EBF2: variants seen among roughly 807,000 people sequenced by gnomAD.
The protein encoded by EBF2 is transcription factor COE2.
Under a neutral mutation model 72.8 loss-of-function variants are expected in EBF2, and 21 were observed. The ratio of observed to expected loss-of-function variants is 0.29; its 90% CI spans 0.20 to 0.42. The LOEUF is 0.42. EBF2 is among the 10% of genes least tolerant of loss of function. The pLI, the probability that EBF2 is intolerant of heterozygous loss-of-function variation, is 1.00. For missense variants in EBF2, 637 were observed against 731.2 expected, an observed-to-expected ratio of 0.87 and a Z score of 1.49; for synonymous variants, 299 against 274.2, an observed-to-expected ratio of 1.09 and a Z score of -0.89.
chr8:25,889,954 G>C (rs1056303404), intron 7 of EBF2, 85 bp from the exon 8 acceptor site: 29 of 1,154,676 alleles, frequency 2.5e-5, no homozygotes, highest in Non-Finnish European at 3.8e-5. Flanking sequence ...ATTCTGTTTT[G>C]CCACACTTCC....
At chr8:25,981,794 A>G (rs1020658063) in intron 6 of EBF2, among the ~76,000 whole-genome samples, 7 of 19,660 alleles carry the variant, frequency 3.6e-4, no homozygotes, top group African/African-American at 1.7e-3. Flanking sequence ...ACTCCATCTT[A>G]AAAAAAAAAA....
chr8:25,976,602 C>G (rs1585213553), intron 6 of EBF2, among the ~76,000 whole-genome samples: 3 of 151,920 alleles, frequency 2.0e-5, no homozygotes, highest in Admixed American at 1.3e-4. Context: ...AATGCTCATG[C>G]CTTTTGTATT....
intron 6 of EBF2, among the ~76,000 whole-genome samples, chr8:26,004,179 T>C (rs1209180223): frequency 6.6e-6 from 1 of 152,150 alleles, no homozygotes; most frequent in Admixed American, 6.5e-5. Flanking sequence ...GTTGTCACCA[T>C]TGGTTCCAAT....
intron 6 of EBF2, among the ~76,000 whole-genome samples, chr8:26,013,735 A>G (rs1423034358): frequency 6.6e-6 from 1 of 152,170 alleles, no homozygotes; most frequent in African/African-American, 2.4e-5. Context: ...AGATGACTCC[A>G]TGCTATCTTG....
intron 6 of EBF2, among the ~76,000 whole-genome samples, chr8:26,020,081 C>A (rs1204033639): frequency 6.6e-6 from 1 of 152,156 alleles, no homozygotes; most frequent in Non-Finnish European, 1.5e-5. Context: ...GTGCCCCAAC[C>A]CAAACCACCC....
At chr8:26,015,851 C>T (rs1394631280) in intron 6 of EBF2, among the ~76,000 whole-genome samples, 1 of 152,172 alleles carries the variant, frequency 6.6e-6, no homozygotes, top group Non-Finnish European at 1.5e-5. Flanking sequence ...AGGGCAGCAG[C>T]TTTAAGCAGA....
intron 10 of EBF2, among the ~76,000 whole-genome samples, chr8:25,868,585 A>G (rs1802374966): frequency 6.6e-6 from 1 of 152,146 alleles, no homozygotes; most frequent in African/African-American, 2.4e-5. Context: ...GGCTCAAGCA[A>G]TCCTCCTGCC....
At chr8:25,916,893 C>T (rs564453713) in intron 6 of EBF2, among the ~76,000 whole-genome samples, 1 of 152,260 alleles carries the variant, frequency 6.6e-6, no homozygotes, top group Non-Finnish European at 1.5e-5. Context: ...CTTCATCACT[C>T]AACACACTGC....
intron 6 of EBF2, among the ~76,000 whole-genome samples, chr8:25,932,512 A>G (rs1367608242): frequency 6.6e-6 from 1 of 152,156 alleles, no homozygotes; most frequent in East Asian, 1.9e-4. Context: ...AATAATTTTG[A>G]TATTTTGACA....
chr8:25,967,589 G>A (rs1370839873), intron 6 of EBF2, among the ~76,000 whole-genome samples: 1 of 152,188 alleles, frequency 6.6e-6, no homozygotes, highest in East Asian at 1.9e-4. Flanking sequence ...AAAGTTGTAT[G>A]GGAACTTGTA....
At chr8:25,892,777 T>C (rs1358795480) in intron 7 of EBF2, among the ~76,000 whole-genome samples, 1 of 152,198 alleles carries the variant, frequency 6.6e-6, no homozygotes, top group Non-Finnish European at 1.5e-5. Context: ...GTTTCTAATA[T>C]GTGACAGGGC....
intron 7 of EBF2, among the ~76,000 whole-genome samples, chr8:25,900,571 C>G (rs985429476): frequency 6.6e-6 from 1 of 152,080 alleles, no homozygotes; most frequent in African/African-American, 2.4e-5. Flanking sequence ...CCTAGCATGA[C>G]TCTGTAAATT....
chr8:26,028,502 G>A (rs551467239), intron 6 of EBF2, among the ~76,000 whole-genome samples: 3 of 152,130 alleles, frequency 2.0e-5, no homozygotes, highest in Non-Finnish European at 4.4e-5. Flanking sequence ...TTTTTATGGG[G>A]CTGACAAGGA....
chr8:25,859,734 T>TTTTTTTTTTTTTTTTG lies in EBF2; in HGVS notation c.1343-1231_1343-1230insCAAAAAAAAAAAAAAA, dbSNP rs1183390975. 1.2e-3 allele frequency among the ~76,000 whole-genome samples: 188 copies of TTTTTTTTTTTTTTTTG among 151,130 alleles called. 3 individuals are homozygous for TTTTTTTTTTTTTTTTG. Among genetic ancestry groups the TTTTTTTTTTTTTTTTG allele is most frequent in the African/African-American group, 4.4e-3 (180 of 40,622 alleles). On this transcript the variant is annotated intron_variant, in intron 13 of 15. Coordinates refer to ENST00000520164, the MANE Select transcript of EBF2 (RefSeq NM_022659.4). ...GTCCTGTCTAGTCTTTTTTTTTTTT[T>TTTTTTTTTTTTTTTTG]GAGACAAGATCTCACTCTGTTGCCC...
chr8:25,860,583 C>T (rs1802195076), intron 13 of EBF2, among the ~76,000 whole-genome samples: 1 of 151,358 alleles, frequency 6.6e-6, no homozygotes, highest in Admixed American at 6.6e-5. Flanking sequence ...TTGCAGTGTG[C>T]CAGCGCACCC....
At chr8:25,998,810 C>A (rs1295414797) in intron 6 of EBF2, among the ~76,000 whole-genome samples, 1 of 152,166 alleles carries the variant, frequency 6.6e-6, no homozygotes, top group Non-Finnish European at 1.5e-5. Flanking sequence ...CAATTAAGCA[C>A]ACTACCTGGC....
At chr8:25,856,742 C>G (rs777307840) in intron 14 of EBF2, among the ~76,000 whole-genome samples, 8 of 152,210 alleles carry the variant, frequency 5.3e-5, no homozygotes, top group Non-Finnish European at 1.0e-4. Flanking sequence ...GGAAAGACCT[C>G]TCCAACATCT....
At chr8:25,971,110 C>T (rs1804182941) in intron 6 of EBF2, among the ~76,000 whole-genome samples, 1 of 152,194 alleles carries the variant, frequency 6.6e-6, no homozygotes, top group South Asian at 2.1e-4. Flanking sequence ...GCTGGGATTA[C>T]AGGCATGAGC....
Position 26,040,667 on chromosome 8 carries a change from G to T in EBF2, c.357C>A (p.Val119=). 6.4e-7 allele frequency: 1 copy of T among 1,555,236 alleles called. No homozygotes were observed. Residue 119 remains valine, a synonymous_variant, in exon 4 of 16, where the codon GTC becomes GTA. Coordinates refer to ENST00000520164, the MANE Select transcript of EBF2 (RefSeq NM_022659.4). The part of the protein sequence containing the change: ...YKLQLLYSNG[V]RTEQDLYVRL... ...TGACATAGAGGTCCTGTTCCGTGCG[G>T]ACACCTGCGGGGACCGGAGGGGCAC...
Sources: allele counts gnomAD v4.1 joint callset (sites outside exome capture counted in the v4.1 genomes callset), GRCh38; gene constraint gnomAD v4.1.1; transcripts MANE v1.5; gene names NCBI Gene and HGNC (gene_info 2026-07-23, HGNC 2026-07-21).